The following AGBL1 variants were observed in gnomAD, a reference collection of about 807,000 sequenced individuals.
AGBL1 encodes AGBL carboxypeptidase 1.
AGBL1 carries 130 observed loss-of-function variants against 118.9 expected under a neutral mutation model. That is an observed-to-expected ratio of 1.09 (90% CI 0.95 to 1.26). The LOEUF is 1.26. Ranked by LOEUF, AGBL1 falls within the 50% of genes most tolerant of loss-of-function variation. The pLI is 0.00. For synonymous variants in AGBL1, 555 were observed against 478.9 expected (o/e 1.16, Z -2.08); for missense variants, 1,584 against 1,298.1 (o/e 1.22, Z -3.38).
chr15:86,446,081 T>C (rs930455867), intron 18 of AGBL1, among the ~76,000 whole-genome samples: 3 of 152,136 alleles, frequency 2.0e-5, no homozygotes, highest in Non-Finnish European at 4.4e-5. Context: ...AGCAAGACTA[T>C]ACACAGCTGG....
chr15:87,010,833 C>T (rs28798231), intron 24 of AGBL1, among the ~76,000 whole-genome samples: 15,038 of 152,184 alleles, frequency 0.099, 1,318 homozygotes, highest in African/African-American at 0.23. Flanking sequence ...TATCTGTCTG[C>T]CTACATACTT....
At chr15:86,183,103 T>C (rs2077576248) in intron 5 of AGBL1, among the ~76,000 whole-genome samples, 1 of 152,194 alleles carries the variant, frequency 6.6e-6, no homozygotes, top group Non-Finnish European at 1.5e-5. Context: ...CCTTGAGTTC[T>C]TGTTTCTCTG....
chr15:86,855,072 A>AG (rs1264381188), intron 22 of AGBL1, among the ~76,000 whole-genome samples: 1 of 152,220 alleles, frequency 6.6e-6, no homozygotes, highest in Non-Finnish European at 1.5e-5. Context: ...AATATGGGGA[A>AG]GAAGGACCTG....
chr15:86,476,956 C>T (rs1448351812), intron 18 of AGBL1, among the ~76,000 whole-genome samples: 2 of 152,190 alleles, frequency 1.3e-5, no homozygotes, highest in Non-Finnish European at 2.9e-5. Context: ...TACATGGAAA[C>T]TGAACAACCT....
chr15:86,234,060 C>T (rs1248054435), intron 6 of AGBL1, among the ~76,000 whole-genome samples: 1 of 152,132 alleles, frequency 6.6e-6, no homozygotes, highest in Non-Finnish European at 1.5e-5. Context: ...TACACTCATG[C>T]AGGATGCTGT....
At chr15:86,628,432 A>G (rs1181644615) in intron 21 of AGBL1, among the ~76,000 whole-genome samples, 1 of 152,172 alleles carries the variant, frequency 6.6e-6, no homozygotes, top group Non-Finnish European at 1.5e-5. Flanking sequence ...AGAACATAGC[A>G]CTGATAGGCG....
chr15:86,146,113 T>C (rs1415415624), intron 3 of AGBL1, among the ~76,000 whole-genome samples: 1 of 152,192 alleles, frequency 6.6e-6, no homozygotes, highest in East Asian at 1.9e-4. Flanking sequence ...TTGGGCAAAG[T>C]ACTTAAACTT....
chr15:86,332,200 G>A (rs2080281470), intron 17 of AGBL1, among the ~76,000 whole-genome samples: 1 of 152,190 alleles, frequency 6.6e-6, no homozygotes, highest in East Asian at 1.9e-4. Flanking sequence ...GTTCAATTCA[G>A]CAAGAAGACT....
In AGBL1 at chr15:86,852,573, C is replaced by G. The variant is rs185695082; in HGVS notation, c.3159-54514C>G. On this transcript the variant is annotated intron_variant, in intron 22 of 22. Coordinates refer to ENST00000614907, the MANE Select transcript of AGBL1 (RefSeq NM_001386094.1). ...AACACTGAAGCTGATCTCCCAATGC[C>G]TCTTTTTGCAAGGTACATTATCTTC... Among the ~76,000 whole-genome samples the G allele has an allele frequency of 1.2e-4, 19 of 152,296 alleles. 1 individual carries two copies. In the East Asian group the frequency reaches 3.1e-3, roughly 25 times the overall value.
At chr15:86,243,103 A>C (rs1361659351) in intron 6 of AGBL1, among the ~76,000 whole-genome samples, 1 of 152,206 alleles carries the variant, frequency 6.6e-6, no homozygotes, top group Non-Finnish European at 1.5e-5. Context: ...CTGTGTGGCT[A>C]ATAGTCTGTA....
intron 21 of AGBL1, among the ~76,000 whole-genome samples, chr15:86,589,961 G>A (rs542507992): frequency 3.3e-5 from 5 of 152,202 alleles, no homozygotes; most frequent in East Asian, 1.9e-4. Context: ...ATATGTAGGG[G>A]CAAAGGGAAA....
intron 19 of AGBL1, among the ~76,000 whole-genome samples, chr15:86,532,211 C>G (rs1166377471): frequency 6.7e-6 from 1 of 149,472 alleles, no homozygotes; most frequent in African/African-American, 2.5e-5. Flanking sequence ...CTAGAAAACC[C>G]CATCATCTCA....
chr15:86,240,347 C>T (rs991912784), intron 6 of AGBL1, among the ~76,000 whole-genome samples: 12 of 152,124 alleles, frequency 7.9e-5, no homozygotes, highest in Admixed American at 1.3e-4. Flanking sequence ...ACTACTTTAT[C>T]CAGAAACATC....
chr15:86,652,990 C>A (rs1047521605), intron 21 of AGBL1, among the ~76,000 whole-genome samples: 1 of 152,148 alleles, frequency 6.6e-6, no homozygotes, highest in African/African-American at 2.4e-5. Context: ...TTTTATGACC[C>A]AAATGTCAAT....
At chr15:86,361,617 TTAG>T (rs2080806745) in intron 17 of AGBL1, among the ~76,000 whole-genome samples, 1 of 152,100 alleles carries the variant, frequency 6.6e-6, no homozygotes, top group Non-Finnish European at 1.5e-5. Flanking sequence ...CTTTATATAT[TTAG>T]GTTCTTTGAT....
intron 17 of AGBL1, among the ~76,000 whole-genome samples, chr15:86,307,027 T>C (rs1333366165): frequency 4.6e-5 from 7 of 152,198 alleles, no homozygotes; most frequent in African/African-American, 1.7e-4. Flanking sequence ...AATTTTTTCC[T>C]ATAGAGTTGT....
chr15:86,970,736 C>T (rs529584980), intron 23 of AGBL1, among the ~76,000 whole-genome samples: 1 of 152,030 alleles, frequency 6.6e-6, no homozygotes, highest in East Asian at 1.9e-4. Context: ...ATTCAGTTTC[C>T]ATATGCATAT....
At chr15:86,128,425 C>G (rs1002439242) in intron 1 of AGBL1, among the ~76,000 whole-genome samples, 1 of 152,160 alleles carries the variant, frequency 6.6e-6, no homozygotes, top group Non-Finnish European at 1.5e-5. Context: ...TGGGTGGGGA[C>G]ACAGCCAAAC....
At position 86,914,212 on chromosome 15, in the gene AGBL1, C is replaced by T. The variant is rs2080390294; in HGVS notation, c.*6918C>T. On this transcript the variant is annotated 3_prime_UTR_variant, in exon 23 of 23. Coordinates refer to ENST00000614907, the MANE Select transcript of AGBL1 (RefSeq NM_001386094.1). The stretch of plus-strand genomic sequence containing the variant: ...GTATGGGGGTTAAATGAATGAATGT[C>T]CTGGGGTAGAAGACTATCAACCAGA... 3 of 152,056 alleles carry T rather than the reference C, an allele frequency of 2.0e-5. No individual in the cohort carries two copies. Among genetic ancestry groups the T allele is most frequent in the African/African-American group, 7.2e-5 (3 of 41,380 alleles). 9.4% of individuals were successfully genotyped at this position (152,056 alleles called of 1,614,324 possible).
Sources: gnomAD v4.1 joint callset for allele counts (sites outside exome capture counted in the v4.1 genomes callset) on GRCh38, gnomAD v4.1.1 for gene constraint, MANE v1.5 for transcripts, NCBI Gene and HGNC (gene_info 2026-07-23, HGNC 2026-07-21) for gene names.